MYZAP: variants seen among roughly 807,000 people sequenced by gnomAD.
The protein encoded by MYZAP is myocardial zonula adherens protein.
MYZAP carries 66 observed loss-of-function variants against 69.4 expected under a neutral mutation model. That is an observed-to-expected ratio of 0.95 (90% CI 0.78 to 1.17). The LOEUF (loss-of-function observed/expected upper bound fraction) is 1.17, where lower values mean the gene tolerates loss of function less well. Among genes scored for constraint, MYZAP ranks in the 50% most tolerant of loss-of-function variants. The pLI, the probability that MYZAP is intolerant of heterozygous loss-of-function variation, is 0.00. For missense variants in MYZAP, 611 were observed against 556.2 expected, an observed-to-expected ratio of 1.10 and a Z score of -0.99; for synonymous variants, 256 against 205.9, an observed-to-expected ratio of 1.24 and a Z score of -2.09.
At chr15:57,682,709 C>A (rs2039504982) in intron 12 of MYZAP, among the ~76,000 whole-genome samples, 1 of 152,186 alleles carries the variant, frequency 6.6e-6, no homozygotes, top group Non-Finnish European at 1.5e-5. Context: ...CAGGCCTCAT[C>A]TTCTGCCACT....
intron 12 of MYZAP, among the ~76,000 whole-genome samples, chr15:57,677,608 T>A (rs1047096556): frequency 1.3e-5 from 2 of 152,230 alleles, no homozygotes; most frequent in African/African-American, 4.8e-5. Context: ...CCAGAATGTT[T>A]TTTAGATTTT....
chr15:57,633,552 ATCCCGG>A, intron 7 of MYZAP, 55 bp from the exon 8 acceptor site: 1 of 1,550,484 alleles, frequency 6.4e-7, no homozygotes, highest in Admixed American at 1.9e-5. Context: ...AGCTGATTGG[ATCCCGG>A]TGAGTAGCCT....
chr15:57,678,689 T>G (rs2039267370), intron 12 of MYZAP, among the ~76,000 whole-genome samples: 1 of 152,168 alleles, frequency 6.6e-6, no homozygotes. Context: ...GCCCAGTGAT[T>G]GATAAGGTCT....
At chr15:57,608,165 C>T (rs991782821) in intron 2 of MYZAP, among the ~76,000 whole-genome samples, 8 of 152,154 alleles carry the variant, frequency 5.3e-5, no homozygotes, top group South Asian at 2.1e-4. Context: ...CTGTTAGAGC[C>T]GCACATGATG....
intron 10 of MYZAP, chr15:57,647,068 C>T: frequency 1.0e-6 from 1 of 985,286 alleles, no homozygotes. Flanking sequence ...CGTTCAGAGG[C>T]CCAGTGTCCC....
intron 2 of MYZAP, among the ~76,000 whole-genome samples, chr15:57,609,359 G>T (rs1775806345): frequency 6.6e-6 from 1 of 152,210 alleles, no homozygotes. Context: ...TGCTGGTGGT[G>T]CCTCCTCTGA....
At chr15:57,629,157 G>A (rs899798957) in intron 5 of MYZAP, among the ~76,000 whole-genome samples, 2 of 149,624 alleles carry the variant, frequency 1.3e-5, no homozygotes, top group African/African-American at 4.9e-5. Flanking sequence ...CTCGTATTTT[G>A]TTTTCTGATT....
chr15:57,677,405 G>A (rs1219147151), intron 12 of MYZAP, among the ~76,000 whole-genome samples: 1 of 152,230 alleles, frequency 6.6e-6, no homozygotes, highest in East Asian at 1.9e-4. Flanking sequence ...GAGAGATCAA[G>A]TGATTCACTG....
intron 7 of MYZAP, 55 bp from the exon 8 acceptor site, chr15:57,633,558 G>A: frequency 6.4e-7 from 1 of 1,555,996 alleles, no homozygotes; most frequent in Non-Finnish European, 8.7e-7. Context: ...TTGGATCCCG[G>A]TGAGTAGCCT....
At chr15:57,654,143 G>A (rs1336624347) in intron 10 of MYZAP, among the ~76,000 whole-genome samples, 2 of 149,920 alleles carry the variant, frequency 1.3e-5, no homozygotes, top group African/African-American at 4.9e-5. Flanking sequence ...GTTTGCTTAG[G>A]TCAGAACCCA....
chr15:57,599,486 G>A, intron 1 of MYZAP: 1 of 1,191,586 alleles, frequency 8.4e-7, no homozygotes, highest in South Asian at 1.6e-5. Flanking sequence ...AGGAACCCTT[G>A]CCCCCAGGGA....
intron 11 of MYZAP, among the ~76,000 whole-genome samples, chr15:57,663,903 T>C (rs2038437191): frequency 6.6e-6 from 1 of 152,170 alleles, no homozygotes; most frequent in Non-Finnish European, 1.5e-5. Context: ...ACAAATTTAT[T>C]ATGACTAATT....
At chr15:57,617,982 A>T in intron 2 of MYZAP, 51 bp from the exon 3 acceptor site, 1 of 1,578,820 alleles carries the variant, frequency 6.3e-7, no homozygotes, top group Non-Finnish European at 8.6e-7. Flanking sequence ...ACAACTGTGC[A>T]TGAGGCCTAA....
chr15:57,684,543 A>G lies in MYZAP; in HGVS notation c.*45A>G, dbSNP rs1414298184. 4 of 1,269,078 alleles carry G rather than the reference A, an allele frequency of 3.2e-6. No individual in the cohort carries two copies. Among genetic ancestry groups the G allele is most frequent in the Non-Finnish European group, 4.5e-6 (4 of 881,280 alleles). 78.6% of individuals were successfully genotyped at this position (1,269,078 alleles called of 1,614,324 possible). A position where few individuals can be genotyped will look rare whatever the true frequency, so the allele number is the denominator to read the frequency against. ...TTTTACAGATGGACAAAAGCTCTGG[A>G]ACCCTGTGGCTTCAAATCCTTTGGG... On this transcript the variant is annotated 3_prime_UTR_variant, in exon 13 of 13. Transcript: ENST00000267853.
intron 2 of MYZAP, among the ~76,000 whole-genome samples, chr15:57,606,033 A>G (rs532853317): frequency 2.6e-5 from 4 of 152,312 alleles, no homozygotes; most frequent in African/African-American, 7.2e-5. Context: ...TTTATAGAAC[A>G]CTAGCTAATA....
intron 12 of MYZAP, among the ~76,000 whole-genome samples, chr15:57,676,436 G>GTATATATATATATATATATATATATGTA: frequency 1.0e-4 from 2 of 20,078 alleles, no homozygotes; most frequent in Admixed American, 5.8e-4. Flanking sequence ...ATATATATAT[G>GTATATATATATATATATATATATATGTA]TATATATATA....
chr15:57,593,300 T>G lies in MYZAP; in HGVS notation c.75+1191T>G, dbSNP rs911377535. The stretch of plus-strand genomic sequence containing the variant: ...TAGCATCATAGAGTAAGATCTACAT[T>G]GGGTCCAAGGGGGTTTCCAACCACA... On this transcript the variant is annotated intron_variant, in intron 1 of 12. Coordinates refer to ENST00000267853, the MANE Select transcript of MYZAP (RefSeq NM_001018100.5). 9.2e-5 allele frequency among the ~76,000 whole-genome samples: 14 copies of G among 151,976 alleles called. No individual in the cohort carries two copies. In the East Asian group the frequency reaches 2.7e-3, roughly 29 times the overall value.
chr15:57,638,917 GA>G (rs2036970919), intron 9 of MYZAP, among the ~76,000 whole-genome samples: 1 of 152,122 alleles, frequency 6.6e-6, no homozygotes, highest in South Asian at 2.1e-4. Context: ...CCAAAACAGA[GA>G]GCTTCTCAGA....
chr15:57,619,735 A>G (rs1364491361), intron 3 of MYZAP, among the ~76,000 whole-genome samples: 37 of 152,170 alleles, frequency 2.4e-4, no homozygotes, highest in African/African-American at 8.0e-4. Flanking sequence ...ATTTTCTTGT[A>G]TTTTTTTCTC....
Sources: gnomAD v4.1 joint callset for allele counts (sites outside exome capture counted in the v4.1 genomes callset) on GRCh38, gnomAD v4.1.1 for gene constraint, MANE v1.5 for transcripts, NCBI Gene and HGNC (gene_info 2026-07-23, HGNC 2026-07-21) for gene names.